Variants in TSGA13 observed in about 807,000 individuals in gnomAD.
TSGA13 encodes the protein testis-specific gene 13 protein.
In TSGA13, 37 loss-of-function variants were observed where a neutral mutation model predicts 35.1. That is an observed-to-expected ratio of 1.05 (90% confidence interval 0.81 to 1.39). The LOEUF (loss-of-function observed/expected upper bound fraction) is 1.39. Among genes scored for constraint, TSGA13 ranks in the 40% most tolerant of loss-of-function variants. The probability of loss-of-function intolerance (pLI) is 0.00; values close to 1 mark genes in which losing one functional copy is unlikely to be tolerated. For missense variants in TSGA13, 338 were observed against 328.5 expected, an observed-to-expected ratio of 1.03 and a Z score of -0.22; for synonymous variants, 124 against 121.2, an observed-to-expected ratio of 1.02 and a Z score of -0.15.
chr7:130,685,329 A>T lies in TSGA13; in HGVS notation c.-119T>A. 1 of 1,574,650 alleles carries T rather than the reference A, an allele frequency of 6.4e-7. No individual in the cohort carries two copies. The highest frequency in any genetic ancestry group is 8.7e-7 in the Non-Finnish European group (1 of 1,150,896). ...TCAATCCAAATATTCTTTCCTTAGC[A>T]CACAGTGTGTACTCATGCCCCATTC... On this transcript the variant is annotated 5_prime_UTR_variant, in exon 2 of 8. The change creates a premature stop within an existing upstream ORF in the 5' untranslated region. Coordinates refer to ENST00000356588, the MANE Select transcript of TSGA13 (RefSeq NM_052933.4).
chr7:130,671,933 C>G (rs1368840758), intron 6 of TSGA13, 145 bp from the exon 7 acceptor site: 2 of 620,412 alleles, frequency 3.2e-6, no homozygotes, highest in Non-Finnish European at 4.1e-6. Context: ...TTCTGTCACC[C>G]AAGCTGGAGT....
intron 7 of TSGA13, among the ~76,000 whole-genome samples, chr7:130,669,621 A>C (rs1252832970): frequency 6.6e-6 from 1 of 152,240 alleles, no homozygotes; most frequent in African/African-American, 2.4e-5. Context: ...AATTGGGTCT[A>C]TACTCAACAG....
chr7:130,672,256 T>A (rs1054540524), intron 6 of TSGA13, among the ~76,000 whole-genome samples: 14 of 152,202 alleles, frequency 9.2e-5, no homozygotes, highest in African/African-American at 3.4e-4. Context: ...GCCTGTTGAT[T>A]GGTGCCAAGT....
intron 7 of TSGA13, among the ~76,000 whole-genome samples, chr7:130,670,016 G>A (rs1448573551): frequency 1.3e-5 from 2 of 152,290 alleles, no homozygotes. Context: ...GTAATGCCCC[G>A]GAGACCTGCT....
intron 3 of TSGA13, 86 bp downstream of exon 3, chr7:130,683,508 G>T: frequency 7.9e-7 from 1 of 1,266,066 alleles, no homozygotes; most frequent in South Asian, 1.4e-5. Context: ...CTTTTCAATA[G>T]GGAAGTTTGT....
Position 130,668,842 on chromosome 7 carries a change from G to T in TSGA13, c.*172C>A. ...GGCCGCCCTCGGCCCCCGGGACGCAGCCACGCCCCCTTCTCCTCTTGCGGC... is the reference window on the plus strand; with the variant it reads ...GGCCGCCCTCGGCCCCCGGGACGCATCCACGCCCCCTTCTCCTCTTGCGGC... On this transcript the variant is annotated 3_prime_UTR_variant, in exon 8 of 8. Coordinates refer to ENST00000356588, the MANE Select transcript of TSGA13 (RefSeq NM_052933.4). The T allele has an allele frequency of 7.7e-7, 1 of 1,302,386 alleles. No homozygotes were observed. The highest frequency in any genetic ancestry group is 1.0e-6 in the Non-Finnish European group (1 of 965,474). The allele number at this position is 1,302,386 out of a possible 1,614,324, so 80.7% of individuals were successfully genotyped here. A position where few individuals can be genotyped will look rare whatever the true frequency, so the allele number is the denominator to read the frequency against.
rs782491238 is a variant in TSGA13 at position 130,671,805 on chromosome 7, C to G, written c.531-17G>C. The stretch of plus-strand genomic sequence containing the variant: ...GTGGAAAACCTTAACAAAGAAAGTT[C>G]TTTGTTTAGTAGATCCTAGGGCAGG... On this transcript the variant is annotated splice_polypyrimidine_tract_variant and intron_variant, in intron 6 of 7. Coordinates refer to ENST00000356588, the MANE Select transcript of TSGA13 (RefSeq NM_052933.4). 6.4e-7 allele frequency: 1 copy of G among 1,564,808 alleles called. No homozygotes were observed. Among genetic ancestry groups the G allele is most frequent in the Non-Finnish European group, 8.7e-7 (1 of 1,150,718 alleles).
rs782579961 is a variant in TSGA13, at chr7:130,680,976, G to T, written c.144C>A (p.Asn48Lys). ...TTGGATGGACTGTGTAATGCCGAAG[G>T]TTCTCTAGAACAAATTTTGATTGCC... is the stretch of plus-strand genomic sequence containing the variant. ...AVGQSKFVLENLRHYTVHPNL... is the reference protein window; with the variant it reads ...AVGQSKFVLEKLRHYTVHPNL... Residue 48 changes from asparagine (N) to lysine (K), a missense_variant, in exon 4 of 8, where the codon AAC becomes AAA. Physicochemically the swap from Asn to Lys is moderately conservative, Grantham distance 94. Coordinates refer to ENST00000356588, the MANE Select transcript of TSGA13 (RefSeq NM_052933.4). The T allele has an allele frequency of 3.5e-5, 57 of 1,614,040 alleles. No homozygotes were observed. The highest frequency in any genetic ancestry group is 6.7e-5 in the East Asian group (3 of 44,898).
intron 7 of TSGA13, among the ~76,000 whole-genome samples, chr7:130,670,034 A>C (rs2116291546): frequency 6.6e-6 from 1 of 152,344 alleles, no homozygotes; most frequent in East Asian, 1.9e-4. Flanking sequence ...GCTGAGAAGT[A>C]GAAGGACCTG....
intron 4 of TSGA13, among the ~76,000 whole-genome samples, chr7:130,680,240 C>G (rs367706248): frequency 6.6e-6 from 1 of 152,218 alleles, no homozygotes; most frequent in African/African-American, 2.4e-5. Context: ...GGTGCGGTGG[C>G]TCACGCCTGT....
chr7:130,668,796 G>A lies in TSGA13; in HGVS notation c.*218C>T, dbSNP rs959420652. On this transcript the variant is annotated 3_prime_UTR_variant, in exon 8 of 8. Transcript: ENST00000356588. ...GGTTGGGCCGCCGCGCCTTCACTCGGGGCCAAGGCCCGCCCTCCCCGGCCG... is the reference window on the plus strand; with the variant it reads ...GGTTGGGCCGCCGCGCCTTCACTCGAGGCCAAGGCCCGCCCTCCCCGGCCG... The A allele has an allele frequency of 6.1e-6, 8 of 1,301,358 alleles. No individual in the cohort carries two copies. The highest frequency in any genetic ancestry group is 8.2e-6 in the Non-Finnish European group (8 of 976,182). 80.6% of individuals were successfully genotyped at this position (1,301,358 alleles called of 1,614,324 possible). A position where few individuals can be genotyped will look rare whatever the true frequency, so the allele number is the denominator to read the frequency against.
intron 3 of TSGA13, among the ~76,000 whole-genome samples, chr7:130,682,418 C>G (rs1416131657): frequency 6.6e-6 from 1 of 152,030 alleles, no homozygotes; most frequent in Non-Finnish European, 1.5e-5. Flanking sequence ...CCATGCCTGG[C>G]CTATTTTTTA....
intron 5 of TSGA13, among the ~76,000 whole-genome samples, chr7:130,673,519 CTA>C (rs1296503708): frequency 6.6e-6 from 1 of 152,120 alleles, no homozygotes; most frequent in African/African-American, 2.4e-5. Context: ...AACTTTTACC[CTA>C]TAGTCCAGAA....
At chr7:130,682,641 C>T (rs1796575143) in intron 3 of TSGA13, among the ~76,000 whole-genome samples, 2 of 152,066 alleles carry the variant, frequency 1.3e-5, no homozygotes, top group Admixed American at 1.3e-4. Flanking sequence ...GGAACGTGCA[C>T]TGAAAAGTTA....
intron 5 of TSGA13, among the ~76,000 whole-genome samples, chr7:130,673,381 C>T (rs1796328956): frequency 6.6e-6 from 1 of 152,146 alleles, no homozygotes; most frequent in Non-Finnish European, 1.5e-5. Context: ...CAGAAAGAAT[C>T]TTAAGTCATC....
In TSGA13 at chr7:130,679,549, G is replaced by T. The variant is rs140893738; in HGVS notation, c.175-182C>A. ...TTTTGAGACGGAGTCTCACTCTGGT[G>T]CCCAGGCTGGAGCCCAGTGGCATGA... On this transcript the variant is annotated intron_variant, in intron 4 of 7. Coordinates refer to ENST00000356588, the MANE Select transcript of TSGA13 (RefSeq NM_052933.4). Among the ~76,000 whole-genome samples, 61 of 152,272 alleles carry T rather than the reference G, an allele frequency of 4.0e-4. No individual in the cohort carries two copies. In the East Asian group the frequency reaches 0.011, roughly 28 times the overall value.
rs967275098 is a variant in TSGA13 at position 130,668,808 on chromosome 7, G to A, written c.*206C>T. The A allele has an allele frequency of 8.0e-6, 10 of 1,256,302 alleles. No individual in the cohort carries two copies. The highest frequency in any genetic ancestry group is 1.1e-5 in the Non-Finnish European group (10 of 940,314). 77.8% of individuals were successfully genotyped at this position (1,256,302 alleles called of 1,614,324 possible). ...GCGCCTTCACTCGGGGCCAAGGCCCGCCCTCCCCGGCCGCCCTCGGCCCCC... is the reference window on the plus strand; with the variant it reads ...GCGCCTTCACTCGGGGCCAAGGCCCACCCTCCCCGGCCGCCCTCGGCCCCC... On this transcript the variant is annotated 3_prime_UTR_variant, in exon 8 of 8. Coordinates refer to ENST00000356588, the MANE Select transcript of TSGA13 (RefSeq NM_052933.4).
Position 130,681,133 on chromosome 7 carries a change from G to A in TSGA13, c.103-116C>T, listed in dbSNP as rs1584640483. 21 of 831,786 alleles carry A rather than the reference G, an allele frequency of 2.5e-5. No homozygotes were observed. The East Asian group carries it at 5.2e-4, about 20-fold the overall frequency. The allele number at this position is 831,786 out of a possible 1,614,324, so 51.5% of individuals were successfully genotyped here. A position where few individuals can be genotyped will look rare whatever the true frequency, so the allele number is the denominator to read the frequency against. On this transcript the variant is annotated intron_variant, in intron 3 of 7. Transcript: ENST00000356588. Reference sequence around the variant, plus strand: ...CTGGTCTCTAACTTACACTAAGTAAGTTAGAGAAGTACAGTTAGAAGTGCT... The same window carrying A: ...CTGGTCTCTAACTTACACTAAGTAAATTAGAGAAGTACAGTTAGAAGTGCT...
In TSGA13 at chr7:130,668,767, C is replaced by G. The variant is rs1297265986; in HGVS notation, c.*247G>C. The G allele has an allele frequency of 3.5e-6, 5 of 1,419,038 alleles. No individual in the cohort carries two copies. The highest frequency in any genetic ancestry group is 4.7e-6 in the Non-Finnish European group (5 of 1,062,874). 87.9% of individuals were successfully genotyped at this position (1,419,038 alleles called of 1,614,324 possible). ...CAGGAAGGCCGGCCCCGCGCTCTCA[C>G]GCCGGTTGGGCCGCCGCGCCTTCAC... On this transcript the variant is annotated 3_prime_UTR_variant, in exon 8 of 8. Transcript: ENST00000356588.
Sources: allele counts gnomAD v4.1 joint callset (sites outside exome capture counted in the v4.1 genomes callset), GRCh38; gene constraint gnomAD v4.1.1; transcripts MANE v1.5; gene names NCBI Gene and HGNC (gene_info 2026-07-23, HGNC 2026-07-21).